The following ZAN variants were observed in gnomAD, a reference collection of about 807,000 sequenced individuals.
ZAN encodes zonadhesin, also known as zonadhesin (gene/pseudogene).
A neutral mutation model predicts 286.2 loss-of-function variants in ZAN; 260 were observed. The ratio of observed to expected loss-of-function variants is 0.91; its 90% CI spans 0.82 to 1.01. ZAN has a LOEUF of 1.01. Among genes scored for constraint, ZAN ranks in the 50% least tolerant of loss-of-function variants. ZAN has a pLI of 0.00. For synonymous variants in ZAN, 1,368 were observed against 1,417.5 expected (o/e 0.97, Z 0.79); for missense variants, 3,410 against 3,639.2 (o/e 0.94, Z 1.62).
At chr7:100,787,271 A>AG (rs1811621371) in intron 37 of ZAN, among the ~76,000 whole-genome samples, 1 of 150,680 alleles carries the variant, frequency 6.6e-6, no homozygotes, top group African/African-American at 2.4e-5. Flanking sequence ...TAAAAAAAAA[A>AG]GAAAAAAATT....
chr7:100,766,888 A>T, intron 24 of ZAN, 122 bp from the exon 25 acceptor site: 2 of 1,523,138 alleles, frequency 1.3e-6, no homozygotes, highest in East Asian at 4.5e-5. Flanking sequence ...CTAGGGAAAC[A>T]CCACATCTGT....
intron 36 of ZAN, 29 bp from the exon 37 acceptor site, chr7:100,785,968 C>T: frequency 6.2e-7 from 1 of 1,602,414 alleles, no homozygotes; most frequent in Non-Finnish European, 8.5e-7. Flanking sequence ...CCCCTCCTCA[C>T]TCTCTTTCTC....
At position 100,746,671 on chromosome 7, in the gene ZAN, T is replaced by A. The variant is rs1808243757; in HGVS notation, c.900T>A (p.Gly300=). 6.2e-7 allele frequency: 1 copy of A among 1,613,960 alleles called. No individual in the cohort carries two copies. The highest frequency in any genetic ancestry group is 1.3e-5 in the African/African-American group (1 of 75,038). ...ACATCCTCCGGGGCCAGTCTCCTGG[T>A]GCAGCCCTCCACATTTATGCTTCAG... ...FHYILRGQSP[G]AALHIYASVL... is the part of the protein sequence containing the mutation. The change falls in exon 8 of 48, where the codon GGT becomes GGA. Residue 300 remains glycine (G), a synonymous_variant. Coordinates refer to ENST00000613979, the MANE Select transcript of ZAN (RefSeq NM_003386.3).
At chr7:100,768,558 CTGG>C in intron 26 of ZAN, 49 bp from the exon 27 acceptor site, 3 of 1,494,456 alleles carry the variant, frequency 2.0e-6, no homozygotes, top group Non-Finnish European at 2.7e-6. Context: ...GCCCTGGGGC[CTGG>C]CCTGCTGGGG....
chr7:100,775,704 C>G lies in ZAN; in HGVS notation c.6063C>G (p.Ser2021=), dbSNP rs1562946285. The change falls in exon 33 of 48, where the codon TCC becomes TCG. Residue 2021 remains serine, a synonymous_variant. Coordinates refer to ENST00000613979, the MANE Select transcript of ZAN (RefSeq NM_003386.3). ...AACAGGTCACCCTCCCCGCCATCTC[C>G]CAGATCCCTGGGGTCAGTGTCAAGT... ...NSKQVTLPAI[S]QIPGVSVKSS... The G allele has an allele frequency of 6.2e-7, 1 of 1,613,912 alleles. No homozygotes were observed. The highest frequency in any genetic ancestry group is 1.3e-5 in the African/African-American group (1 of 75,044).
In ZAN at chr7:100,736,928, G is replaced by A. The variant is rs762580253; in HGVS notation, c.373G>A (p.Gly125Arg). 2.7e-6 allele frequency: 4 copies of A among 1,498,912 alleles called. No homozygotes were observed. The highest frequency in any genetic ancestry group is 1.8e-5 in the Admixed American group (1 of 54,062). 92.9% of individuals were successfully genotyped at this position (1,498,912 alleles called of 1,614,324 possible). A position where few individuals can be genotyped will look rare whatever the true frequency, so the allele number is the denominator to read the frequency against. ...LCVHFAHHMF[G>R]LSWGAQLRLL... ...TGTGCACTTTGCCCACCACATGTTC[G>A]GGCTGTCTTGGGGCGCCCAGCTCAG... The change falls in exon 5 of 48, where the codon GGG (glycine) becomes AGG (arginine). Residue 125 changes from glycine (G) to arginine (R), a missense_variant. This residue lies in a region of ZAN where 872 missense variants were observed against 938.9 expected (regional missense o/e 0.93). Transcript: ENST00000613979.
At chr7:100,783,927 ATT>A (rs746133173) in intron 35 of ZAN, among the ~76,000 whole-genome samples, 36 of 148,240 alleles carry the variant, frequency 2.4e-4, no homozygotes, top group Non-Finnish European at 4.9e-4. Flanking sequence ...CATGGTATGC[ATT>A]TCCATTTGTT....
intron 35 of ZAN, among the ~76,000 whole-genome samples, chr7:100,783,763 A>AAAATAT (rs1562952263): frequency 1.3e-4 from 1 of 7,482 alleles, no homozygotes; most frequent in East Asian, 4.3e-3. Flanking sequence ...AAAAAAAAAA[A>AAAATAT]ATATATATAT....
intron 5 of ZAN, 24 bp from the exon 6 acceptor site, chr7:100,737,238 T>C: frequency 6.9e-7 from 1 of 1,452,674 alleles, no homozygotes; most frequent in Admixed American, 2.0e-5. Context: ...CTCATGGGGT[T>C]GGGGTCCCCT....
chr7:100,759,631 C>A, intron 17 of ZAN, 90 bp from the exon 18 acceptor site: 7 of 1,347,256 alleles, frequency 5.2e-6, no homozygotes, highest in Non-Finnish European at 5.8e-6. Flanking sequence ...TGGCGCTCAT[C>A]TCTCCCTGCG....
rs369115733 is a variant in ZAN, at chr7:100,764,049, G to C, written c.4120G>C (p.Ala1374Pro). ...CAGGACATGCCTGCTGCACGTGAAGGCCGCTTCCTTCTTCGACAGCTGCAT... is the reference window on the plus strand; with the variant it reads ...CAGGACATGCCTGCTGCACGTGAAGCCCGCTTCCTTCTTCGACAGCTGCAT... ...PFETCLLHVK[A>P]ASFFDSCMLD... Residue 1374 changes from alanine to proline, a missense_variant, in exon 22 of 48, where the codon GCC becomes CCC. Transcript: ENST00000613979. 1.2e-6 allele frequency: 2 copies of C among 1,613,756 alleles called. No homozygotes were observed. The highest frequency in any genetic ancestry group is 2.2e-5 in the South Asian group (2 of 91,090).
chr7:100,794,070 A>C (rs1266649840), intron 43 of ZAN, 50 bp from the exon 44 acceptor site: 2 of 1,613,348 alleles, frequency 1.2e-6, no homozygotes, highest in African/African-American at 2.7e-5. Flanking sequence ...AAGGAGAGCC[A>C]GACCAGGGAT....
At chr7:100,776,642 T>G in intron 34 of ZAN, 78 bp downstream of exon 34, 3 of 1,121,246 alleles carry the variant, frequency 2.7e-6, no homozygotes, top group Non-Finnish European at 3.5e-6. Context: ...TTCCCTTCCC[T>G]TCCCTCCCCT....
chr7:100,788,025 C>A lies in ZAN; in HGVS notation c.7116C>A (p.Leu2372=). ...DVLPEGVEPL[L]VEGRNKMDPP... ...TGCCTGAGGGGGTGGAGCCCCTCCT[C>A]GTGGAAGGACGCAACAAGATGGATC... The change falls in exon 38 of 48, where the codon CTC becomes CTA. Residue 2372 remains leucine, a synonymous_variant. Coordinates refer to ENST00000613979, the MANE Select transcript of ZAN (RefSeq NM_003386.3). 1 of 1,569,000 alleles carries A rather than the reference C, an allele frequency of 6.4e-7. No homozygotes were observed.
At chr7:100,797,660 T>TA (rs1458664804) in intron 47 of ZAN, 37 bp downstream of exon 47, 2 of 1,614,012 alleles carry the variant, frequency 1.2e-6, no homozygotes. Flanking sequence ...CCTCGGGGCC[T>TA]AGAGTTGAGT....
At chr7:100,739,888 C>A (rs749175276) in intron 7 of ZAN, among the ~76,000 whole-genome samples, 7 of 140,320 alleles carry the variant, frequency 5.0e-5, no homozygotes, top group Admixed American at 7.1e-5. Flanking sequence ...GAACTGCTGA[C>A]CTCAGGTGAT....
At position 100,737,172 on chromosome 7, in the gene ZAN, G is replaced by A. The variant is rs1260762590; in HGVS notation, c.526-90G>A. On this transcript the variant is annotated intron_variant, in intron 5 of 47. Transcript: ENST00000613979. ...GGTGTGGCAAAAAGGGATTGTGGGG[G>A]CCAAGCCATCTGAATTCAGGAAGAA... is the stretch of plus-strand genomic sequence containing the variant. The A allele has an allele frequency of 1.4e-6, 2 of 1,425,166 alleles. 1 individual carries two copies. The highest frequency in any genetic ancestry group is 4.2e-5 in the Admixed American group (2 of 47,634). The allele number at this position is 1,425,166 out of a possible 1,614,324, so 88.3% of individuals were successfully genotyped here. A position where few individuals can be genotyped will look rare whatever the true frequency, so the allele number is the denominator to read the frequency against.
Position 100,769,499 on chromosome 7 carries a change from CCTTT to C in ZAN, c.5154-377_5154-374del, listed in dbSNP as rs367580357. On this transcript the variant is annotated intron_variant, in intron 27 of 47. Transcript: ENST00000613979. ...TCTTTCCTTTCCTTTCCTTCTCTTCCCTTTCTTCCTTCCTTTCTTCCTTCTTCCT... is the reference window on the plus strand; with the variant it reads ...TCTTTCCTTTCCTTTCCTTCTCTTCCCTTCCTTCCTTTCTTCCTTCTTCCT... Among the ~76,000 whole-genome samples, 203 of 151,360 alleles carry C rather than the reference CCTTT, an allele frequency of 1.3e-3. No individual in the cohort carries two copies. The South Asian group carries it at 0.022, about 16-fold the overall frequency.
At chr7:100,789,115 C>T (rs186153313) in intron 38 of ZAN, 103 bp from the exon 39 acceptor site, 497 of 1,468,872 alleles carry the variant, frequency 3.4e-4, no homozygotes, top group Non-Finnish European at 3.0e-4. Flanking sequence ...ACTCTCTGCA[C>T]GGAGACATAT....
Sources: allele counts gnomAD v4.1 joint callset (sites outside exome capture counted in the v4.1 genomes callset), GRCh38; gene constraint gnomAD v4.1.1; regional missense constraint gnomAD v4.1.1; transcripts MANE v1.5; gene names NCBI Gene and HGNC (gene_info 2026-07-23, HGNC 2026-07-21).